VPS13B: variants seen among roughly 807,000 people sequenced by gnomAD.
VPS13B encodes the protein vacuolar protein sorting 13 homolog B, also known as intermembrane lipid transfer protein VPS13B.
VPS13B carries 285 observed loss-of-function variants against 426.4 expected under a neutral mutation model. The ratio of observed to expected loss-of-function variants is 0.67; its 90% CI spans 0.61 to 0.74. The LOEUF is 0.74. Ranked by LOEUF, VPS13B falls within the 30% of genes least tolerant of loss-of-function variation. The pLI is 0.00. For missense variants in VPS13B, 4,537 were observed against 4,782.6 expected, an observed-to-expected ratio of 0.95 and a Z score of 1.51; for synonymous variants, 1,676 against 1,676.4, an observed-to-expected ratio of 1.00 and a Z score of 0.01.
intron 18 of VPS13B, 82 bp downstream of exon 18, chr8:99,274,414 C>G: frequency 6.3e-7 from 1 of 1,595,194 alleles, no homozygotes; most frequent in Non-Finnish European, 8.6e-7. Flanking sequence ...GTTACTGAAA[C>G]AAGAATTTAC....
chr8:99,197,910 G>A (rs550850679), intron 17 of VPS13B, among the ~76,000 whole-genome samples: 2 of 152,178 alleles, frequency 1.3e-5, no homozygotes, highest in African/African-American at 4.8e-5. Context: ...AAAATATTCT[G>A]TAATTATATA....
At chr8:99,410,535 A>T (rs1815580237) in intron 21 of VPS13B, among the ~76,000 whole-genome samples, 1 of 148,980 alleles carries the variant, frequency 6.7e-6, no homozygotes, top group African/African-American at 2.5e-5. Flanking sequence ...TGTTACCAGA[A>T]TTATTTATTT....
At chr8:99,788,724 T>C (rs181744122) in intron 43 of VPS13B, among the ~76,000 whole-genome samples, 57 of 152,304 alleles carry the variant, frequency 3.7e-4, no homozygotes, top group Admixed American at 7.2e-4. Flanking sequence ...CAATTACTAT[T>C]CTTTTGATTT....
At chr8:99,328,000 G>C (rs1265156400) in intron 19 of VPS13B, among the ~76,000 whole-genome samples, 1 of 152,194 alleles carries the variant, frequency 6.6e-6, no homozygotes, top group Non-Finnish European at 1.5e-5. Context: ...TCCCCGATCT[G>C]TTGGCCATAG....
chr8:99,320,214 A>T (rs906890141), intron 19 of VPS13B, among the ~76,000 whole-genome samples: 2 of 152,194 alleles, frequency 1.3e-5, no homozygotes, highest in African/African-American at 4.8e-5. Context: ...GATTTATGGG[A>T]TAAAGGTCCG....
rs1355658385 is a variant in VPS13B, at chr8:99,848,789, C to A, written c.9956C>A (p.Thr3319Asn). The A allele has an allele frequency of 1.9e-6, 3 of 1,614,050 alleles. No individual in the cohort carries two copies. The highest frequency in any genetic ancestry group is 2.5e-6 in the Non-Finnish European group (3 of 1,179,958). ...TTCTTTCTGCAGGTTGTGTTCCTGA[C>A]TGGCTTTGGCTATGTGTATGTGGAT... ...NSQGTQVVFL[T>N]GFGYVYVDVV... The change falls in exon 55 of 62, where the codon ACT becomes AAT. Residue 3319 changes from threonine (T) to asparagine (N), a missense_variant. Transcript: ENST00000357162.
Position 99,013,926 on chromosome 8 carries a change from G to C in VPS13B, c.138G>C (p.Val46=). The C allele has an allele frequency of 1.2e-6, 2 of 1,614,116 alleles. No homozygotes were observed. Among genetic ancestry groups the C allele is most frequent in the African/African-American group, 2.7e-5 (2 of 75,014 alleles). ...GCAAGCTCGAGTTAAAGTTGGATGT[G>C]CTGGAACAGGTAAGCTATTTAGCTG... The part of the protein sequence containing the change: ...VLSKLELKLD[V]LEQELKLPFT... The change falls in exon 2 of 62, where the codon GTG becomes GTC. Residue 46 remains valine, a synonymous_variant. Transcript: ENST00000357162.
intron 15 of VPS13B, among the ~76,000 whole-genome samples, chr8:99,169,184 T>C (rs1812185714): frequency 6.6e-6 from 1 of 151,992 alleles, no homozygotes; most frequent in African/African-American, 2.4e-5. Flanking sequence ...AAGATAAATG[T>C]TGAGATTAAG....
At chr8:99,509,991 CA>C (rs2133633671) in intron 28 of VPS13B, among the ~76,000 whole-genome samples, 1 of 152,148 alleles carries the variant, frequency 6.6e-6, no homozygotes, top group Non-Finnish European at 1.5e-5. Context: ...ATAGTTTTAA[CA>C]AAAATATTGA....
At chr8:99,810,844 G>A (rs1363558788) in intron 44 of VPS13B, among the ~76,000 whole-genome samples, 2 of 152,182 alleles carry the variant, frequency 1.3e-5, no homozygotes, top group Non-Finnish European at 2.9e-5. Flanking sequence ...TGGATTAAGA[G>A]AGAGCATTCC....
At chr8:99,068,085 C>G (rs1844641649) in intron 3 of VPS13B, among the ~76,000 whole-genome samples, 1 of 152,260 alleles carries the variant, frequency 6.6e-6, no homozygotes, top group East Asian at 1.9e-4. Context: ...TATTTTTCTT[C>G]TCCCTTGAGC....
chr8:99,368,932 A>G (rs538122535), intron 19 of VPS13B, among the ~76,000 whole-genome samples: 1 of 152,290 alleles, frequency 6.6e-6, no homozygotes, highest in African/African-American at 2.4e-5. Context: ...AACGTATCAT[A>G]CTTTTCCTTA....
intron 6 of VPS13B, among the ~76,000 whole-genome samples, chr8:99,112,701 A>C (rs760088073): frequency 3.3e-5 from 5 of 152,202 alleles, no homozygotes; most frequent in Non-Finnish European, 7.4e-5. Flanking sequence ...AATTGAAGAT[A>C]CATTGAAAGC....
At chr8:99,113,290 C>A (rs187022461) in intron 6 of VPS13B, among the ~76,000 whole-genome samples, 9 of 152,174 alleles carry the variant, frequency 5.9e-5, no homozygotes, top group Non-Finnish European at 1.2e-4. Flanking sequence ...TTTGTAGAGA[C>A]GGAGTCTCAC....
chr8:99,073,985 G>T (rs942208198), intron 3 of VPS13B, among the ~76,000 whole-genome samples: 5 of 151,860 alleles, frequency 3.3e-5, no homozygotes, highest in African/African-American at 1.2e-4. Context: ...TGCCCAGGCT[G>T]GCCTCAAACT....
At chr8:99,133,649 A>G (rs1809920386) in intron 8 of VPS13B, among the ~76,000 whole-genome samples, 1 of 152,216 alleles carries the variant, frequency 6.6e-6, no homozygotes, top group South Asian at 2.1e-4. Context: ...CCATTGTAAT[A>G]TTACTAATTA....
chr8:99,275,334 T>C, intron 19 of VPS13B, 80 bp downstream of exon 19: 2 of 1,339,640 alleles, frequency 1.5e-6, no homozygotes, highest in Non-Finnish European at 2.0e-6. Context: ...AATTGGTATA[T>C]ATTTTTTTTT....
At chr8:99,076,214 A>G (rs1845113218) in intron 3 of VPS13B, among the ~76,000 whole-genome samples, 1 of 152,192 alleles carries the variant, frequency 6.6e-6, no homozygotes, top group African/African-American at 2.4e-5. Context: ...TTGTGGTCTG[A>G]GAACATATTT....
At chr8:99,093,218 G>A (rs922464582) in intron 3 of VPS13B, among the ~76,000 whole-genome samples, 44 of 151,988 alleles carry the variant, frequency 2.9e-4, no homozygotes, top group African/African-American at 1.0e-3. Flanking sequence ...AACAGCACTT[G>A]AAAAAGAACA....
Sources: gnomAD v4.1 joint callset for allele counts (sites outside exome capture counted in the v4.1 genomes callset) on GRCh38, gnomAD v4.1.1 for gene constraint, MANE v1.5 for transcripts, NCBI Gene and HGNC (gene_info 2026-07-23, HGNC 2026-07-21) for gene names.